The following FHOD3 variants were observed in gnomAD, a reference collection of about 807,000 sequenced individuals.
The protein encoded by FHOD3 is formin homology 2 domain containing 3.
FHOD3 carries 90 observed loss-of-function variants against 173.0 expected under a neutral mutation model. The ratio of observed to expected loss-of-function variants is 0.52; its 90% CI spans 0.44 to 0.62. The LOEUF (loss-of-function observed/expected upper bound fraction) is 0.62. FHOD3 is among the 20% of genes least tolerant of loss of function. The pLI is 0.00. For missense variants in FHOD3, 1,945 were observed against 2,034.7 expected (o/e 0.96, Z 0.85); for synonymous variants, 828 against 823.0 (o/e 1.01, Z -0.10).
At chr18:36,549,873 C>T (rs1304145594) in intron 5 of FHOD3, among the ~76,000 whole-genome samples, 3 of 151,738 alleles carry the variant, frequency 2.0e-5, no homozygotes, top group Non-Finnish European at 4.4e-5. Context: ...AAATCTTTAT[C>T]TAACTTAAGG....
At chr18:36,526,696 C>A (rs749179911) in intron 5 of FHOD3, among the ~76,000 whole-genome samples, 3 of 152,180 alleles carry the variant, frequency 2.0e-5, no homozygotes, top group Non-Finnish European at 4.4e-5. Flanking sequence ...AGCCACCATG[C>A]CTGGCCCATA....
chr18:36,647,108 G>A (rs948721848), intron 10 of FHOD3, among the ~76,000 whole-genome samples: 1 of 152,124 alleles, frequency 6.6e-6, no homozygotes, highest in Non-Finnish European at 1.5e-5. Flanking sequence ...TGGGCATGGT[G>A]GTGGGTGCCT....
intron 23 of FHOD3, among the ~76,000 whole-genome samples, chr18:36,744,403 C>T (rs1434827442): frequency 6.6e-6 from 1 of 152,254 alleles, no homozygotes; most frequent in Non-Finnish European, 1.5e-5. Context: ...CAGTCAGATT[C>T]TTTCCTACTA....
intron 2 of FHOD3, among the ~76,000 whole-genome samples, chr18:36,362,525 T>C (rs1446335527): frequency 6.6e-6 from 1 of 151,976 alleles, no homozygotes; most frequent in Non-Finnish European, 1.5e-5. Context: ...TAGTGAGAAA[T>C]GTTGGCTGGG....
chr18:36,528,674 C>A (rs1465604458), intron 5 of FHOD3, among the ~76,000 whole-genome samples: 1 of 152,204 alleles, frequency 6.6e-6, no homozygotes, highest in Non-Finnish European at 1.5e-5. Context: ...TTAAGGTTTA[C>A]ACAACGCCAG....
chr18:36,643,709 A>G (rs2035489733), intron 10 of FHOD3, among the ~76,000 whole-genome samples: 1 of 152,082 alleles, frequency 6.6e-6, no homozygotes, highest in Admixed American at 6.5e-5. Context: ...TCAGAATAAA[A>G]TATCTCTTCA....
At chr18:36,416,798 C>T (rs1487902725) in intron 3 of FHOD3, among the ~76,000 whole-genome samples, 1 of 152,122 alleles carries the variant, frequency 6.6e-6, no homozygotes, top group African/African-American at 2.4e-5. Flanking sequence ...CCTTTGAAAG[C>T]CAGCCCCTGC....
Position 36,652,602 on chromosome 18 carries a change from C to A in FHOD3, c.1319C>A (p.Thr440Asn), listed in dbSNP as rs2036138593. ...KVGAASGQSP[T>N]GRDAAPKSSA... ...GGCGCTGCCTCAGGGCAGAGCCCCA[C>A]TGGAAGGGATGCTGCTCCCAAGAGC... Residue 440 changes from threonine (T) to asparagine (N), a missense_variant, in exon 12 of 29, where the codon ACT (threonine) becomes AAT (asparagine). Around this residue, in one of 5 missense-constraint regions of FHOD3, gnomAD observed 1,099 missense variants for 1,051.2 expected, o/e 1.05. Transcript: ENST00000590592. 2.6e-6 allele frequency: 4 copies of A among 1,534,584 alleles called. No homozygotes were observed. The highest frequency in any genetic ancestry group is 3.5e-6 in the Non-Finnish European group (4 of 1,146,584).
chr18:36,427,193 G>A (rs1158286798), intron 3 of FHOD3, among the ~76,000 whole-genome samples: 3 of 148,492 alleles, frequency 2.0e-5, no homozygotes, highest in African/African-American at 7.5e-5. Context: ...GAAGATAGGA[G>A]CCATAGATTT....
intron 18 of FHOD3, among the ~76,000 whole-genome samples, chr18:36,716,214 G>C (rs1459917350): frequency 1.3e-5 from 2 of 152,240 alleles, no homozygotes; most frequent in African/African-American, 2.4e-5. Context: ...AGAGAGTCCA[G>C]TGGGGACGCC....
At chr18:36,381,643 T>C (rs796655066) in intron 3 of FHOD3, among the ~76,000 whole-genome samples, 10 of 152,278 alleles carry the variant, frequency 6.6e-5, no homozygotes, top group African/African-American at 2.4e-4. Flanking sequence ...CACGTGAAGG[T>C]GTAGATCCTA....
chr18:36,405,815 A>G (rs752737125), intron 3 of FHOD3, among the ~76,000 whole-genome samples: 1 of 152,224 alleles, frequency 6.6e-6, no homozygotes, highest in Non-Finnish European at 1.5e-5. Flanking sequence ...AGGTTCATGT[A>G]TACTGGGAAT....
chr18:36,766,488 C>T (rs547283490), intron 27 of FHOD3, among the ~76,000 whole-genome samples: 6 of 152,300 alleles, frequency 3.9e-5, no homozygotes, highest in African/African-American at 1.2e-4. Context: ...TACATGGTCC[C>T]TTGGGTATGT....
At chr18:36,573,058 G>C (rs533762416) in intron 5 of FHOD3, among the ~76,000 whole-genome samples, 45 of 152,146 alleles carry the variant, frequency 3.0e-4, no homozygotes, top group African/African-American at 1.1e-3. Flanking sequence ...GCAGGAGGGT[G>C]GGGGTGGTGG....
chr18:36,734,410 C>T (rs2041528288), intron 20 of FHOD3, among the ~76,000 whole-genome samples: 1 of 152,174 alleles, frequency 6.6e-6, no homozygotes, highest in Non-Finnish European at 1.5e-5. Flanking sequence ...TGTCTCCATA[C>T]ATTGTCACAT....
At chr18:36,375,063 T>G (rs538875648) in intron 3 of FHOD3, among the ~76,000 whole-genome samples, 1 of 152,348 alleles carries the variant, frequency 6.6e-6, no homozygotes, top group South Asian at 2.1e-4. Flanking sequence ...GCACTAAATA[T>G]TATACTTTGG....
At chr18:36,371,129 G>A (rs2146066352) in intron 2 of FHOD3, among the ~76,000 whole-genome samples, 1 of 152,302 alleles carries the variant, frequency 6.6e-6, no homozygotes, top group East Asian at 1.9e-4. Context: ...AATGAACAAA[G>A]GAAAATGGAG....
chr18:36,469,619 G>A (rs1317226666), intron 3 of FHOD3, among the ~76,000 whole-genome samples: 1 of 152,164 alleles, frequency 6.6e-6, no homozygotes, highest in East Asian at 1.9e-4. Flanking sequence ...GCTATCACTC[G>A]ACCAAGAGGC....
intron 3 of FHOD3, among the ~76,000 whole-genome samples, chr18:36,489,015 A>G (rs1568339373): frequency 6.6e-6 from 1 of 152,196 alleles, no homozygotes; most frequent in Non-Finnish European, 1.5e-5. Flanking sequence ...ACACTAGGTC[A>G]GTCCTGGCTG....
Sources: allele counts gnomAD v4.1 joint callset (sites outside exome capture counted in the v4.1 genomes callset), GRCh38; gene constraint gnomAD v4.1.1; regional missense constraint gnomAD v4.1.1; transcripts MANE v1.5; gene names NCBI Gene and HGNC (gene_info 2026-07-23, HGNC 2026-07-21).